MYH8: variants seen among roughly 807,000 people sequenced by gnomAD.
MYH8 encodes the protein myosin-8.
A neutral mutation model predicts 233.2 loss-of-function variants in MYH8; 168 were observed. The ratio of observed to expected loss-of-function variants is 0.72; its 90% CI spans 0.64 to 0.82. The LOEUF (loss-of-function observed/expected upper bound fraction) is 0.82. MYH8 is among the 40% of genes least tolerant of loss of function. The pLI is 0.00. For missense variants in MYH8, 1,995 were observed against 2,327.8 expected, an observed-to-expected ratio of 0.86 and a Z score of 2.94; for synonymous variants, 785 against 850.6, an observed-to-expected ratio of 0.92 and a Z score of 1.34.
At position 10,396,837 on chromosome 17, in the gene MYH8, G is replaced by T; in HGVS notation, c.4328C>A (p.Ala1443Glu). The T allele has an allele frequency of 6.2e-7, 1 of 1,614,214 alleles. No individual in the cohort carries two copies. Among genetic ancestry groups the T allele is most frequent in the Non-Finnish European group, 8.5e-7 (1 of 1,180,048 alleles). Reference sequence around the variant, plus strand: ...GTTCCTTTGCTTCTTATCAAGGGCTGCACAGGCTGCATTAGACCTTTCCAC... The same window carrying T: ...GTTCCTTTGCTTCTTATCAAGGGCTTCACAGGCTGCATTAGACCTTTCCAC... The part of the protein sequence containing the change: ...LDVERSNAAC[A>E]ALDKKQRNFD... Residue 1443 changes from alanine to glutamate, a missense_variant, in exon 31 of 40, where the codon GCA (alanine) becomes GAA (glutamate). Physicochemically the swap from Ala to Glu is moderately radical, Grantham distance 107 (BLOSUM62 -1). Coordinates refer to ENST00000403437, the MANE Select transcript of MYH8 (RefSeq NM_002472.3). The surrounding 1 kb of genome is among the most constrained non-coding windows in gnomAD (Gnocchi z 4.2).
At position 10,391,974 on chromosome 17, in the gene MYH8, C is replaced by G. The variant is rs2072029597; in HGVS notation, c.5572G>C (p.Glu1858Gln). 1 of 1,613,712 alleles carries G rather than the reference C, an allele frequency of 6.2e-7. No individual in the cohort carries two copies. Among genetic ancestry groups the G allele is most frequent in the Admixed American group, 1.7e-5 (1 of 60,018 alleles). Residue 1858 changes from glutamate (E) to glutamine (Q), a missense_variant, in exon 39 of 40, where the codon GAA (glutamate) becomes CAA (glutamine). Glu to Gln is a conservative substitution (Grantham distance 29). This residue lies in a region of MYH8 where 1,498 missense variants were observed against 1,680.9 expected (regional missense o/e 0.89). Transcript: ENST00000403437. ...CTGAGAACATTCTTGCGATCTTCTT[C>G]AGTCTGAAAGTTTGAAAAAAATAAT... is the stretch of plus-strand genomic sequence containing the variant. Reference protein sequence around the residue: ...RRVKELTYQTEEDRKNVLRLQ... With the variant: ...RRVKELTYQTQEDRKNVLRLQ...
At position 10,392,094 on chromosome 17, in the gene MYH8, C is replaced by A; in HGVS notation, c.5569-117G>T. ...GGGCCTGGGGTAAACTTGATCAACT[C>A]TGAGATTTTCTTCATAGAATTAACA... is the stretch of plus-strand genomic sequence containing the variant. On this transcript the variant is annotated intron_variant, in intron 38 of 39. Transcript: ENST00000403437. 3 of 816,288 alleles carry A rather than the reference C, an allele frequency of 3.7e-6. No individual in the cohort carries two copies. In the South Asian group the frequency reaches 4.1e-5, roughly 11 times the overall value. The allele number at this position is 816,288 out of a possible 1,614,324, so 50.6% of individuals were successfully genotyped here.
In MYH8 at chr17:10,420,267, A is replaced by G; in HGVS notation, c.-30-10T>C. ...TAGCAAAGGATTCTGCCTAGGGAGG[A>G]GAGAAACGGGAGAGAGAGATATAAA... On this transcript the variant is annotated splice_polypyrimidine_tract_variant and intron_variant, in intron 2 of 39. Transcript: ENST00000403437. The G allele has an allele frequency of 6.2e-7, 1 of 1,603,666 alleles. No individual in the cohort carries two copies. Among genetic ancestry groups the G allele is most frequent in the Non-Finnish European group, 8.5e-7 (1 of 1,172,450 alleles).
intron 15 of MYH8, 75 bp from the exon 16 acceptor site, chr17:10,409,663 T>C: frequency 1.9e-6 from 3 of 1,575,786 alleles, no homozygotes; most frequent in South Asian, 1.1e-5. Context: ...TGTCATTTGA[T>C]TGAATTATGA....
intron 29 of MYH8, 21 bp downstream of exon 29, chr17:10,398,747 A>G: frequency 6.2e-7 from 1 of 1,614,020 alleles, no homozygotes; most frequent in Non-Finnish European, 8.5e-7. Context: ...GTTAGTCAAA[A>G]AAATCCTTGG....
intron 21 of MYH8, among the ~76,000 whole-genome samples, chr17:10,404,931 A>G (rs1219641345): frequency 6.6e-6 from 1 of 152,164 alleles, no homozygotes; most frequent in African/African-American, 2.4e-5. Flanking sequence ...ACCATTTGAC[A>G]TATGACAGTA....
Position 10,392,646 on chromosome 17 carries a change from C to A in MYH8, c.5464G>T (p.Val1822Leu). 6.2e-7 allele frequency: 1 copy of A among 1,614,140 alleles called. No individual in the cohort carries two copies. The highest frequency in any genetic ancestry group is 1.1e-5 in the South Asian group (1 of 91,082). Residue 1822 changes from valine (V) to leucine (L), a missense_variant and splice_region_variant, in exon 38 of 40, where the codon GTA becomes TTA. This residue lies in a region of MYH8 where 1,498 missense variants were observed against 1,680.9 expected (regional missense o/e 0.89). Transcript: ENST00000403437. ...TCAACCTCTCCTTCAAGCTCACGTACCTGCAGCCAAGAAAAATACTTACGC... is the reference window on the plus strand; with the variant it reads ...TCAACCTCTCCTTCAAGCTCACGTAACTGCAGCCAAGAAAAATACTTACGC... Reference protein sequence around the residue: ...KKQIQKLEARVRELEGEVENE... With the variant: ...KKQIQKLEARLRELEGEVENE...
Position 10,415,783 on chromosome 17 carries a change from A to G in MYH8, c.512-75T>C. On this transcript the variant is annotated intron_variant, in intron 5 of 39. Transcript: ENST00000403437. This position sits in a 1 kb window ranked among gnomAD's most constrained non-coding sequence, Gnocchi z 4.1. The stretch of plus-strand genomic sequence containing the variant: ...AGAGTATTGAATCAGTTCAGATCAA[A>G]CACAGCTTGTTCTTTTTAACTTTTT... The G allele has an allele frequency of 1.3e-6, 2 of 1,493,098 alleles. No homozygotes were observed. The highest frequency in any genetic ancestry group is 1.8e-6 in the Non-Finnish European group (2 of 1,088,828). The allele number at this position is 1,493,098 out of a possible 1,614,324, so 92.5% of individuals were successfully genotyped here. A position where few individuals can be genotyped will look rare whatever the true frequency, so the allele number is the denominator to read the frequency against.
intron 27 of MYH8, 139 bp from the exon 28 acceptor site, chr17:10,399,808 G>C (rs897178695): frequency 7.8e-7 from 1 of 1,278,182 alleles, no homozygotes; most frequent in African/African-American, 1.5e-5. Flanking sequence ...TGTGGAACAT[G>C]CAAGAATTTA....
intron 35 of MYH8, among the ~76,000 whole-genome samples, chr17:10,393,991 CTTTTTTTT>C (rs35512526): frequency 3.6e-4 from 13 of 35,992 alleles, no homozygotes; most frequent in Admixed American, 5.4e-4. Flanking sequence ...AAAGTAATAG[CTTTTTTTT>C]TTTTTTTTTT....
Position 10,400,704 on chromosome 17 carries a change from C to A in MYH8, c.3421G>T (p.Asp1141Tyr), listed in dbSNP as rs773499534. ...SRAKAEKQRS[D>Y]LSRELEEISE... ...ATCTCCTCCAGTTCCCGGGAGAGGTCAGAGCGCTGCTTCTCCGCTTTGGCT... is the reference window on the plus strand; with the variant it reads ...ATCTCCTCCAGTTCCCGGGAGAGGTAAGAGCGCTGCTTCTCCGCTTTGGCT... The change falls in exon 27 of 40, where the codon GAC (aspartate) becomes TAC (tyrosine). Residue 1141 changes from aspartate (D) to tyrosine (Y), a missense_variant. Around this residue, in one of 3 missense-constraint regions of MYH8, gnomAD observed 1,498 missense variants for 1,680.9 expected, o/e 0.89. Transcript: ENST00000403437. The surrounding 1 kb of genome is among the most constrained non-coding windows in gnomAD (Gnocchi z 4.0). The A allele has an allele frequency of 5.0e-6, 8 of 1,614,200 alleles. No homozygotes were observed. The highest frequency in any genetic ancestry group is 6.8e-6 in the Non-Finnish European group (8 of 1,180,050).
Position 10,401,881 on chromosome 17 carries a change from G to GT in MYH8, c.2689-97dup, listed in dbSNP as rs2072146958. On this transcript the variant is annotated intron_variant, in intron 22 of 39. Transcript: ENST00000403437. The stretch of plus-strand genomic sequence containing the variant: ...AAATAATAGTGTTTTATTGAATTCT[G>GT]TTGAATTTTTCAGTATGAATATAAA... 7.3e-6 allele frequency: 11 copies of GT among 1,504,560 alleles called. No homozygotes were observed. In the South Asian group the frequency reaches 1.3e-4, roughly 17 times the overall value. The allele number at this position is 1,504,560 out of a possible 1,614,324, so 93.2% of individuals were successfully genotyped here. A position where few individuals can be genotyped will look rare whatever the true frequency, so the allele number is the denominator to read the frequency against.
chr17:10,394,141 C>T lies in MYH8; in HGVS notation c.5166+108G>A, dbSNP rs1321840912. The stretch of plus-strand genomic sequence containing the variant: ...CAATGAGTATTTTTGAGCATATCCC[C>T]CATCCATGTTTACATACACATATTT... On this transcript the variant is annotated intron_variant, in intron 35 of 39. Transcript: ENST00000403437. 9 of 1,398,214 alleles carry T rather than the reference C, an allele frequency of 6.4e-6. No individual in the cohort carries two copies. The Admixed American group carries it at 1.1e-4, about 16-fold the overall frequency. 86.6% of individuals were successfully genotyped at this position (1,398,214 alleles called of 1,614,324 possible). A position where few individuals can be genotyped will look rare whatever the true frequency, so the allele number is the denominator to read the frequency against.
At chr17:10,412,150 GGTAAC>G (rs1169483432) in intron 14 of MYH8, among the ~76,000 whole-genome samples, 1 of 152,156 alleles carries the variant, frequency 6.6e-6, no homozygotes, top group Non-Finnish European at 1.5e-5. Context: ...GATTAAATAT[GGTAAC>G]GTTTTGAAGT....
chr17:10,399,497 A>G, intron 28 of MYH8, 46 bp downstream of exon 28: 1 of 1,611,924 alleles, frequency 6.2e-7, no homozygotes, highest in Non-Finnish European at 8.5e-7. Flanking sequence ...CCTAGAATCC[A>G]TTTTATTTAG....
intron 39 of MYH8, 93 bp from the exon 40 acceptor site, chr17:10,390,696 C>T: frequency 2.1e-6 from 3 of 1,402,084 alleles, no homozygotes; most frequent in Non-Finnish European, 3.0e-6. Context: ...CAGGTATTTC[C>T]TTCTTATGGT....
Position 10,396,594 on chromosome 17 carries a change from T to C in MYH8, c.4487A>G (p.Asp1496Gly), listed in dbSNP as rs1428994626. 1.2e-6 allele frequency: 2 copies of C among 1,614,044 alleles called. No homozygotes were observed. Among genetic ancestry groups the C allele is most frequent in the African/African-American group, 1.3e-5 (1 of 74,922 alleles). Residue 1496 changes from aspartate to glycine, a missense_variant, in exon 32 of 40, where the codon GAT becomes GGT. Physicochemically the swap from Asp to Gly is moderately conservative, Grantham distance 94. Around this residue, in one of 3 missense-constraint regions of MYH8, gnomAD observed 1,498 missense variants for 1,680.9 expected, o/e 0.89. Coordinates refer to ENST00000403437, the MANE Select transcript of MYH8 (RefSeq NM_002472.3). This position sits in a 1 kb window ranked among gnomAD's most constrained non-coding sequence, Gnocchi z 4.2. ...KVKNVYEESL[D>G]QLETLRRENK... is the part of the protein sequence containing the mutation. ...TTCTCTTCTTAGCGTTTCGAGTTGA[T>C]CCAGGGATTCCTCATAGACATTCTT...
chr17:10,395,457 A>T lies in MYH8; in HGVS notation c.4654-16T>A. On this transcript the variant is annotated splice_polypyrimidine_tract_variant and intron_variant, in intron 33 of 39. Coordinates refer to ENST00000403437, the MANE Select transcript of MYH8 (RefSeq NM_002472.3). ...CAAGAGATGCCTTAACAAAACAGTGATCAATTAATAATGGAGAAGAACCTG... is the reference window on the plus strand; with the variant it reads ...CAAGAGATGCCTTAACAAAACAGTGTTCAATTAATAATGGAGAAGAACCTG... 6.2e-7 allele frequency: 1 copy of T among 1,613,238 alleles called. No homozygotes were observed.
In MYH8 at chr17:10,397,005, A is replaced by C; in HGVS notation, c.4179-19T>G. On this transcript the variant is annotated intron_variant, in intron 30 of 39. Coordinates refer to ENST00000403437, the MANE Select transcript of MYH8 (RefSeq NM_002472.3). ...CTTTTTCCTGAAAAGTTAGCCAGGC[A>C]GTCAGGAGAATGGCCAAGACCAGAA... is the stretch of plus-strand genomic sequence containing the variant. 6.2e-7 allele frequency: 1 copy of C among 1,614,090 alleles called. No individual in the cohort carries two copies.
Sources: allele counts gnomAD v4.1 joint callset (sites outside exome capture counted in the v4.1 genomes callset), GRCh38; gene constraint gnomAD v4.1.1; regional missense constraint gnomAD v4.1.1; non-coding constraint Gnocchi (gnomAD v3.1); transcripts MANE v1.5; gene names NCBI Gene and HGNC (gene_info 2026-07-23, HGNC 2026-07-21).